Variants in SAMD10 observed in about 807,000 individuals in gnomAD.
The protein encoded by SAMD10 is sterile alpha motif domain containing 10.
In SAMD10, 16 loss-of-function variants were observed where a neutral mutation model predicts 22.5. The observed-to-expected ratio is 0.71, with a 90% CI of 0.48 to 1.08. SAMD10 has a LOEUF of 1.08. SAMD10 is among the 50% of genes least tolerant of loss of function. The pLI is 0.00. For missense variants in SAMD10, 227 were observed against 281.3 expected (o/e 0.81, Z 1.38); for synonymous variants, 118 against 122.2 (o/e 0.97, Z 0.23).
chr20:63,979,265 A>T lies in SAMD10; in HGVS notation c.91+112T>A. On this transcript the variant is annotated intron_variant, in intron 1 of 4. Coordinates refer to ENST00000369886, the MANE Select transcript of SAMD10 (RefSeq NM_080621.5). The surrounding 1 kb of genome is among the most constrained non-coding windows in gnomAD (Gnocchi z 7.7). ...CGTTGAGCCGAGACATCCGCCGAATACCCCCAGCCACCGCCGCTCGAAGCC... is the reference window on the plus strand; with the variant it reads ...CGTTGAGCCGAGACATCCGCCGAATTCCCCCAGCCACCGCCGCTCGAAGCC... 2 of 696,472 alleles carry T rather than the reference A, an allele frequency of 2.9e-6. No individual in the cohort carries two copies. Among genetic ancestry groups the T allele is most frequent in the South Asian group, 2.2e-5 (1 of 44,636 alleles). 43.1% of individuals were successfully genotyped at this position (696,472 alleles called of 1,614,324 possible). A position where few individuals can be genotyped will look rare whatever the true frequency, so the allele number is the denominator to read the frequency against.
In SAMD10 at chr20:63,979,474, C is replaced by T. The variant is rs759703826; in HGVS notation, c.-7G>A. Reference sequence around the variant, plus strand: ...ACCTCAGCTCGGTGAACATGGGGCCCGCGGGTGCCAGGCCCGCGCACACGC... The same window carrying T: ...ACCTCAGCTCGGTGAACATGGGGCCTGCGGGTGCCAGGCCCGCGCACACGC... On this transcript the variant is annotated 5_prime_UTR_variant, in exon 1 of 5. Transcript: ENST00000369886. This position sits in a 1 kb window ranked among gnomAD's most constrained non-coding sequence, Gnocchi z 7.7. The T allele has an allele frequency of 1.4e-6, 2 of 1,382,684 alleles. No individual in the cohort carries two copies. The highest frequency in any genetic ancestry group is 1.5e-5 in the South Asian group (1 of 65,042). 85.7% of individuals were successfully genotyped at this position (1,382,684 alleles called of 1,614,324 possible).
intron 4 of SAMD10, 36 bp from the exon 5 acceptor site, chr20:63,975,568 C>A (rs777679622): frequency 1.3e-6 from 2 of 1,599,822 alleles, no homozygotes; most frequent in South Asian, 2.2e-5. Context: ...GGGGTGGGGT[C>A]TTTGGCATCA....
chr20:63,975,874 C>T, intron 3 of SAMD10, 42 bp from the exon 4 acceptor site: 1 of 1,512,680 alleles, frequency 6.6e-7, no homozygotes, highest in Non-Finnish European at 8.8e-7. Flanking sequence ...CCAACAGAGG[C>T]ATCAAGAGCC....
Position 63,979,262 on chromosome 20 carries a change from A to C in SAMD10, c.91+115T>G. The C allele has an allele frequency of 1.4e-6, 1 of 697,936 alleles. No individual in the cohort carries two copies. Among genetic ancestry groups the C allele is most frequent in the Non-Finnish European group, 2.1e-6 (1 of 470,472 alleles). The allele number at this position is 697,936 out of a possible 1,614,324, so 43.2% of individuals were successfully genotyped here. On this transcript the variant is annotated intron_variant, in intron 1 of 4. Coordinates refer to ENST00000369886, the MANE Select transcript of SAMD10 (RefSeq NM_080621.5). The surrounding 1 kb of genome is among the most constrained non-coding windows in gnomAD (Gnocchi z 7.7). ...CCCCGTTGAGCCGAGACATCCGCCG[A>C]ATACCCCCAGCCACCGCCGCTCGAA... is the stretch of plus-strand genomic sequence containing the variant.
chr20:63,977,470 A>G lies in SAMD10; in HGVS notation c.92-64T>C, dbSNP rs1291376556. The G allele has an allele frequency of 1.3e-6, 2 of 1,533,014 alleles. No individual in the cohort carries two copies. Among genetic ancestry groups the G allele is most frequent in the Admixed American group, 3.5e-5 (2 of 56,814 alleles). 95.0% of individuals were successfully genotyped at this position (1,533,014 alleles called of 1,614,324 possible). On this transcript the variant is annotated intron_variant, in intron 1 of 4. Coordinates refer to ENST00000369886, the MANE Select transcript of SAMD10 (RefSeq NM_080621.5). The surrounding 1 kb of genome is among the most constrained non-coding windows in gnomAD (Gnocchi z 5.4). ...GAACCAGAGGCTTCCTCTACTTGAG[A>G]GCTAGCTCCCTGCCCCATCTCCTCC... is the stretch of plus-strand genomic sequence containing the variant.
At chr20:63,976,503 C>G (rs1001499958) in intron 3 of SAMD10, among the ~76,000 whole-genome samples, 1 of 151,812 alleles carries the variant, frequency 6.6e-6, no homozygotes, top group Non-Finnish European at 1.5e-5. Context: ...TGGCTCACAC[C>G]TGTAATCCCA....
chr20:63,975,232 C>G lies in SAMD10; in HGVS notation c.*278G>C. The G allele has an allele frequency of 3.9e-6, 2 of 512,920 alleles. No homozygotes were observed. Among genetic ancestry groups the G allele is most frequent in the South Asian group, 5.0e-5 (2 of 40,120 alleles). The allele number at this position is 512,920 out of a possible 1,614,324, so 31.8% of individuals were successfully genotyped here. On this transcript the variant is annotated 3_prime_UTR_variant, in exon 5 of 5. Coordinates refer to ENST00000369886, the MANE Select transcript of SAMD10 (RefSeq NM_080621.5). ...GTTCTGGCTCCAGGCAGCTGCCCCA[C>G]ATGCTGCCAGCTGCACCAGGGGAGG...
intron 3 of SAMD10, 83 bp from the exon 4 acceptor site, chr20:63,975,915 G>C: frequency 7.1e-7 from 1 of 1,409,968 alleles, no homozygotes. Context: ...GCTCATGCCT[G>C]TGATCCCAGC....
Position 63,975,362 on chromosome 20 carries a change from T to G in SAMD10, c.*148A>C. 1 of 939,320 alleles carries G rather than the reference T, an allele frequency of 1.1e-6. No individual in the cohort carries two copies. Among genetic ancestry groups the G allele is most frequent in the African/African-American group, 1.7e-5 (1 of 58,314 alleles). The allele number at this position is 939,320 out of a possible 1,614,324, so 58.2% of individuals were successfully genotyped here. Reference sequence around the variant, plus strand: ...GTCCAACCAGAGGCGCCTGGAGGTGTGATCCTGGTCCTGTCTGTCCGTTGG... The same window carrying G: ...GTCCAACCAGAGGCGCCTGGAGGTGGGATCCTGGTCCTGTCTGTCCGTTGG... On this transcript the variant is annotated 3_prime_UTR_variant, in exon 5 of 5. Transcript: ENST00000369886.
rs1223187319 is a variant in SAMD10 at position 63,977,543 on chromosome 20, C to A, written c.92-137G>T. The A allele has an allele frequency of 6.9e-6, 6 of 863,732 alleles. No homozygotes were observed. The African/African-American group carries it at 1.0e-4, about 15-fold the overall frequency. The allele number at this position is 863,732 out of a possible 1,614,324, so 53.5% of individuals were successfully genotyped here. Reference sequence around the variant, plus strand: ...CCCCAATGAGGGGTTCCCAAGCCTCCAAAGGCAGAAGGAAGTGTGCAGGAC... The same window carrying A: ...CCCCAATGAGGGGTTCCCAAGCCTCAAAAGGCAGAAGGAAGTGTGCAGGAC... On this transcript the variant is annotated intron_variant, in intron 1 of 4. Transcript: ENST00000369886. This position sits in a 1 kb window ranked among gnomAD's most constrained non-coding sequence, Gnocchi z 5.4.
rs775305977 is a variant in SAMD10, at chr20:63,977,360, C to T, written c.138G>A (p.Val46=). 6.2e-7 allele frequency: 1 copy of T among 1,613,236 alleles called. No homozygotes were observed. Among genetic ancestry groups the T allele is most frequent in the African/African-American group, 1.3e-5 (1 of 74,898 alleles). ...SFCRTLLEHT[V]SAESIPCHLP... ...AGTGGCAGGGGATGCTCTCAGCTGA[C>T]ACCGTGTGCTCCAGGAGGGTCCGGC... Residue 46 remains valine (V), a synonymous_variant, in exon 2 of 5, where the codon GTG becomes GTA. Coordinates refer to ENST00000369886, the MANE Select transcript of SAMD10 (RefSeq NM_080621.5). This position sits in a 1 kb window ranked among gnomAD's most constrained non-coding sequence, Gnocchi z 5.4.
chr20:63,979,553 C>A lies in SAMD10; in HGVS notation c.-86G>T, dbSNP rs1044306152. On this transcript the variant is annotated 5_prime_UTR_variant, in exon 1 of 5. Transcript: ENST00000369886. The surrounding 1 kb of genome is among the most constrained non-coding windows in gnomAD (Gnocchi z 7.7). ...GGCCGGCGGGGAACGCGCGCCGCCG[C>A]CCCGCCCCGCCCCAGCCGGCCCCGC... The A allele has an allele frequency of 1.0e-6, 1 of 989,726 alleles. No individual in the cohort carries two copies. Among genetic ancestry groups the A allele is most frequent in the East Asian group, 1.1e-4 (1 of 9,154 alleles). 61.3% of individuals were successfully genotyped at this position (989,726 alleles called of 1,614,324 possible).
At chr20:63,979,826 G>C (rs2059052274), upstream of SAMD10, 1 of 344,850 alleles carries the variant, frequency 2.9e-6, no homozygotes, top group African/African-American at 2.2e-5. This position sits in a 1 kb window ranked among gnomAD's most constrained non-coding sequence, Gnocchi z 7.7. Flanking sequence ...GTGGGCTGAG[G>C]GGCATCTCAC....
At position 63,979,391 on chromosome 20, in the gene SAMD10, C is replaced by T. The variant is rs982834023; in HGVS notation, c.77G>A (p.Arg26His). 4.0e-6 allele frequency: 6 copies of T among 1,488,394 alleles called. No individual in the cohort carries two copies. The African/African-American group carries it at 5.9e-5, about 15-fold the overall frequency. The allele number at this position is 1,488,394 out of a possible 1,614,324, so 92.2% of individuals were successfully genotyped here. A position where few individuals can be genotyped will look rare whatever the true frequency, so the allele number is the denominator to read the frequency against. Reference protein sequence around the residue: ...AGAVRAGFGERRDVDATAHFS... With the variant: ...AGAVRAGFGEHRDVDATAHFS... The stretch of plus-strand genomic sequence containing the variant: ...GCCCCGCTCACCGTCCACATCCCGG[C>T]GCTCCCCGAAGCCCGCGCGCACGGC... Residue 26 changes from arginine (R) to histidine (H), a missense_variant, in exon 1 of 5, where the codon CGC becomes CAC. Coordinates refer to ENST00000369886, the MANE Select transcript of SAMD10 (RefSeq NM_080621.5). The surrounding 1 kb of genome is among the most constrained non-coding windows in gnomAD (Gnocchi z 7.7).
chr20:63,974,155 C>CA lies in SAMD10; in HGVS notation c.*1354dup, dbSNP rs2059005378. On this transcript the variant is annotated 3_prime_UTR_variant, in exon 5 of 5. Transcript: ENST00000369886. ...TTTATTTCTGATTTTTTTTTTTTGT[C>CA]AGAGTATAAAAAAGTGAGTGCAGCA... is the stretch of plus-strand genomic sequence containing the variant. The CA allele has an allele frequency of 6.6e-6, 1 of 150,928 alleles. No individual in the cohort carries two copies. The highest frequency in any genetic ancestry group is 1.5e-5 in the Non-Finnish European group (1 of 67,740). The allele number at this position is 150,928 out of a possible 1,614,324, so 9.3% of individuals were successfully genotyped here. A position where few individuals can be genotyped will look rare whatever the true frequency, so the allele number is the denominator to read the frequency against.
intron 1 of SAMD10, chr20:63,978,389 G>A (rs1266495148): frequency 5.8e-6 from 6 of 1,040,044 alleles, no homozygotes; most frequent in Non-Finnish European, 8.0e-6. Flanking sequence ...GTGGGCACAG[G>A]CCTGCCCCTG....
At chr20:63,978,731 C>T (rs555390964) in intron 1 of SAMD10, among the ~76,000 whole-genome samples, 1 of 152,352 alleles carries the variant, frequency 6.6e-6, no homozygotes, top group Non-Finnish European at 1.5e-5. Flanking sequence ...GCCACCGCCC[C>T]GAGGTGGCCC....
At chr20:63,976,877 AAAC>A (rs766902753) in intron 3 of SAMD10, 91 bp downstream of exon 3, 1 of 1,310,898 alleles carries the variant, frequency 7.6e-7, no homozygotes, top group Non-Finnish European at 1.1e-6. Context: ...AGACAGACGA[AAAC>A]AACAGCAAGA....
chr20:63,974,798 C>T lies in SAMD10; in HGVS notation c.*712G>A, dbSNP rs1430406417. On this transcript the variant is annotated 3_prime_UTR_variant, in exon 5 of 5. Coordinates refer to ENST00000369886, the MANE Select transcript of SAMD10 (RefSeq NM_080621.5). ...AGCCTGGGCCCTGGGCGCGGAGCCA[C>T]CTGGACAGGGCTGGGGTTCTCGTTG... 6.6e-6 allele frequency: 1 copy of T among 152,540 alleles called. No individual in the cohort carries two copies. Among genetic ancestry groups the T allele is most frequent in the Non-Finnish European group, 1.5e-5 (1 of 68,248 alleles). The allele number at this position is 152,540 out of a possible 1,614,324, so 9.4% of individuals were successfully genotyped here.
Sources: allele counts gnomAD v4.1 joint callset (sites outside exome capture counted in the v4.1 genomes callset), GRCh38; gene constraint gnomAD v4.1.1; non-coding constraint Gnocchi (gnomAD v3.1); transcripts MANE v1.5; gene names NCBI Gene and HGNC (gene_info 2026-07-23, HGNC 2026-07-21).